The following HDAC4 variants were observed in gnomAD, a reference collection of about 807,000 sequenced individuals.
HDAC4 encodes the protein histone deacetylase A.
A neutral mutation model predicts 135.1 loss-of-function variants in HDAC4; 16 were observed. That is an observed-to-expected ratio of 0.12 (90% CI 0.08 to 0.18). The LOEUF (loss-of-function observed/expected upper bound fraction) is 0.18. HDAC4 is among the 10% of genes least tolerant of loss of function. The pLI is 1.00. For synonymous variants in HDAC4, 685 were observed against 653.4 expected, an observed-to-expected ratio of 1.05 and a Z score of -0.74; for missense variants, 1,143 against 1,511.8, an observed-to-expected ratio of 0.76 and a Z score of 4.05.
intron 24 of HDAC4, among the ~76,000 whole-genome samples, chr2:239,066,036 C>G (rs1023467028): frequency 3.9e-5 from 6 of 152,238 alleles, no homozygotes; most frequent in African/African-American, 1.4e-4. Context: ...GCCTCCTCCT[C>G]CCATCTCACT....
At position 239,066,761 on chromosome 2, in the gene HDAC4, G is replaced by A. The variant is rs768953200; in HGVS notation, c.2964C>T (p.Asp988=). 91 of 1,613,982 alleles carry A rather than the reference G, an allele frequency of 5.6e-5. No homozygotes were observed. Among genetic ancestry groups the A allele is most frequent in the Middle Eastern group, 1.7e-4 (1 of 6,046 alleles). The change falls in exon 24 of 27, where the codon GAC becomes GAT. Residue 988 remains aspartate, a synonymous_variant. Transcript: ENST00000543185. ...EGGHDLTAIC[D]ASEACVSALL... is the part of the protein sequence containing the mutation. ...AGGCAGAAACACATGCTTCCGAGGC[G>A]TCGCAAATGGCGGTCAGGTCGTGGC...
intron 16 of HDAC4, chr2:239,102,484 A>C: frequency 2.7e-5 from 11 of 409,206 alleles, no homozygotes; most frequent in East Asian, 5.5e-5. Flanking sequence ...CAGGGCGGGC[A>C]GCATGCTGGC....
intron 3 of HDAC4, among the ~76,000 whole-genome samples, chr2:239,203,687 T>C (rs902295581): frequency 2.6e-5 from 4 of 152,136 alleles, no homozygotes; most frequent in South Asian, 4.1e-4. Context: ...CCCTGACCCA[T>C]AGTCCAGTAG....
At chr2:239,304,682 C>A (rs2052472450) in intron 2 of HDAC4, among the ~76,000 whole-genome samples, 1 of 152,148 alleles carries the variant, frequency 6.6e-6, no homozygotes, top group Admixed American at 6.5e-5. Context: ...CTCCTGGGGT[C>A]AGGAGCTCTC....
intron 2 of HDAC4, among the ~76,000 whole-genome samples, chr2:239,337,058 C>A (rs1691986309): frequency 6.6e-6 from 1 of 152,132 alleles, no homozygotes; most frequent in Non-Finnish European, 1.5e-5. Context: ...CATGGTTGGA[C>A]TGGGGCTATG....
intron 2 of HDAC4, among the ~76,000 whole-genome samples, chr2:239,260,544 C>T (rs1364961257): frequency 6.6e-6 from 1 of 152,194 alleles, no homozygotes; most frequent in African/African-American, 2.4e-5. Context: ...ATCTCTCTTC[C>T]CGCCAGCAAT....
rs2040223372 is a variant in HDAC4 at position 239,126,838 on chromosome 2, G to A, written c.1295-144C>T. ...TGCCCTGGTGCCCCAGAGCTGGCTC[G>A]CTAACTGGGCCCCTTCCAGCTGAGG... On this transcript the variant is annotated intron_variant, in intron 11 of 26. Transcript: ENST00000543185. The A allele has an allele frequency of 1.2e-5, 10 of 857,628 alleles. No homozygotes were observed. In the Admixed American group the frequency reaches 1.4e-4, roughly 12 times the overall value. The allele number at this position is 857,628 out of a possible 1,614,324, so 53.1% of individuals were successfully genotyped here.
chr2:239,304,253 T>G (rs2052445689), intron 2 of HDAC4, among the ~76,000 whole-genome samples: 1 of 152,174 alleles, frequency 6.6e-6, no homozygotes, highest in South Asian at 2.1e-4. Context: ...TGGGAAGGCC[T>G]CAAGCAGTGT....
At chr2:239,118,488 G>A (rs182483780) in intron 12 of HDAC4, among the ~76,000 whole-genome samples, 24 of 152,226 alleles carry the variant, frequency 1.6e-4, no homozygotes, top group African/African-American at 5.8e-4. Flanking sequence ...GCAGCGGTGG[G>A]TGGCCGCGCG....
chr2:239,355,802 T>A (rs539045275), intron 1 of HDAC4, among the ~76,000 whole-genome samples: 1 of 152,206 alleles, frequency 6.6e-6, no homozygotes, highest in South Asian at 2.1e-4. Context: ...TGTTCTGTGT[T>A]CACTTTAATA....
chr2:239,099,403 C>A (rs1285283633), intron 16 of HDAC4, among the ~76,000 whole-genome samples: 2 of 152,248 alleles, frequency 1.3e-5, no homozygotes, highest in African/African-American at 4.8e-5. Context: ...CTGCTGAAGC[C>A]CCTGCTGTGG....
chr2:239,176,103 G>A (rs1272137886), intron 5 of HDAC4, among the ~76,000 whole-genome samples: 1 of 152,096 alleles, frequency 6.6e-6, no homozygotes, highest in Admixed American at 6.5e-5. Flanking sequence ...TACTCCCCGT[G>A]TGCTGCCCCA....
intron 8 of HDAC4, among the ~76,000 whole-genome samples, chr2:239,142,075 G>T (rs941213302): frequency 6.6e-6 from 1 of 152,122 alleles, no homozygotes; most frequent in African/African-American, 2.4e-5. Context: ...CAGAGTGAGA[G>T]AACTCAGGTG....
rs1278228631 is a variant in HDAC4 at position 239,141,012 on chromosome 2, T to C, written c.866-1216A>G. ...ACCTGGCAGACCTGATTCCAAACTT[T>C]GCCTTTATTAGCTCATCCATCTCTC... On this transcript the variant is annotated intron_variant, in intron 8 of 26. Coordinates refer to ENST00000543185, the MANE Select transcript of HDAC4 (RefSeq NM_001378414.1). The surrounding 1 kb of genome is among the most constrained non-coding windows in gnomAD (Gnocchi z 4.9). 3 of 370,022 alleles carry C rather than the reference T, an allele frequency of 8.1e-6. No homozygotes were observed. Among genetic ancestry groups the C allele is most frequent in the Admixed American group, 6.5e-5 (2 of 30,942 alleles). 22.9% of individuals were successfully genotyped at this position (370,022 alleles called of 1,614,324 possible).
chr2:239,187,300 G>C (rs2044620457), intron 4 of HDAC4: 1 of 152,496 alleles, frequency 6.6e-6, no homozygotes, highest in Non-Finnish European at 1.5e-5. Context: ...CCTCGGGCTT[G>C]ATGTGGGGTT....
intron 6 of HDAC4, among the ~76,000 whole-genome samples, chr2:239,160,071 C>T (rs1264213581): frequency 6.6e-6 from 1 of 152,198 alleles, no homozygotes; most frequent in Non-Finnish European, 1.5e-5. Context: ...CCAAGAAATA[C>T]AACGAGGAAC....
intron 12 of HDAC4, among the ~76,000 whole-genome samples, chr2:239,119,221 G>A (rs749123116): frequency 1.5e-4 from 23 of 152,180 alleles, no homozygotes; most frequent in African/African-American, 2.2e-4. Flanking sequence ...TCGGTGCACC[G>A]GAGGGAGAGC....
chr2:239,126,784 G>T, intron 11 of HDAC4, 90 bp from the exon 12 acceptor site: 2 of 1,397,714 alleles, frequency 1.4e-6, no homozygotes, highest in Non-Finnish European at 2.0e-6. Context: ...GGAGACAACT[G>T]CGCCCTGTGC....
At chr2:239,215,012 G>C (rs2046551279) in intron 3 of HDAC4, among the ~76,000 whole-genome samples, 1 of 152,200 alleles carries the variant, frequency 6.6e-6, no homozygotes. Context: ...CGGCAAGCAG[G>C]CTCTAGGATC....
Sources: gnomAD v4.1 joint callset for allele counts (sites outside exome capture counted in the v4.1 genomes callset) on GRCh38, gnomAD v4.1.1 for gene constraint, Gnocchi (gnomAD v3.1) non-coding constraint, MANE v1.5 for transcripts, NCBI Gene and HGNC (gene_info 2026-07-23, HGNC 2026-07-21) for gene names.